SATB2: variants seen among roughly 807,000 people sequenced by gnomAD.
SATB2 encodes SATB homeobox 2, also known as DNA-binding protein SATB2.
In SATB2, 1 loss-of-function variant was observed where a neutral mutation model predicts 73.4. The observed-to-expected ratio is 0.01, with a 90% CI of 0.00 to 0.06. The LOEUF is 0.06. Among genes scored for constraint, SATB2 ranks in the 10% least tolerant of loss-of-function variants. The pLI, the probability that SATB2 is intolerant of heterozygous loss-of-function variation, is 1.00. For missense variants in SATB2, 459 were observed against 945.8 expected (o/e 0.49, Z 6.75); for synonymous variants, 397 against 367.0 (o/e 1.08, Z -0.93).
intron 3 of SATB2, among the ~76,000 whole-genome samples, chr2:199,389,979 T>A (rs2105879530): frequency 6.6e-6 from 1 of 152,244 alleles, no homozygotes; most frequent in African/African-American, 2.4e-5. Context: ...TTGTCTAATG[T>A]AATAGATGCT....
chr2:199,465,586 TA>T (rs1692578037), upstream of SATB2, among the ~76,000 whole-genome samples: 1 of 152,202 alleles, frequency 6.6e-6, no homozygotes, highest in Non-Finnish European at 1.5e-5. Flanking sequence ...AATTTAAAAA[TA>T]TAAAAGACCT....
chr2:199,441,916 T>C (rs1051928355), intron 2 of SATB2, among the ~76,000 whole-genome samples: 1 of 152,140 alleles, frequency 6.6e-6, no homozygotes, highest in Non-Finnish European at 1.5e-5. Flanking sequence ...GCAGCTTATC[T>C]AAACAAAAGA....
rs1574568704 is a variant in SATB2, at chr2:199,381,791, G to A, written c.376C>T (p.Leu126Phe). The change falls in exon 4 of 11, where the codon CTC becomes TTC. Residue 126 changes from leucine to phenylalanine, a missense_variant. Physicochemically the swap from Leu to Phe is conservative, Grantham distance 22 (BLOSUM62 0). This residue lies in a region of SATB2 where 56 missense variants were observed against 183.7 expected (regional missense o/e 0.30). Coordinates refer to ENST00000417098, the MANE Select transcript of SATB2 (RefSeq NM_001172509.2). ...GIIKLGRWNPLPLSYVTDAPD... is the reference protein window; with the variant it reads ...GIIKLGRWNPFPLSYVTDAPD... Reference sequence around the variant, plus strand: ...GCATCTGTCACATAACTGAGGGGGAGAGGGTTCCACCTTCCCAGCTTGATT... The same window carrying A: ...GCATCTGTCACATAACTGAGGGGGAAAGGGTTCCACCTTCCCAGCTTGATT... 6.2e-7 allele frequency: 1 copy of A among 1,613,946 alleles called. No homozygotes were observed. Among genetic ancestry groups the A allele is most frequent in the Non-Finnish European group, 8.5e-7 (1 of 1,179,858 alleles).
At chr2:199,417,129 T>C (rs953971224) in intron 3 of SATB2, among the ~76,000 whole-genome samples, 2 of 151,620 alleles carry the variant, frequency 1.3e-5, no homozygotes, top group African/African-American at 4.9e-5. Flanking sequence ...TGCTGTGCGC[T>C]TAAATCATAT....
At chr2:199,422,538 T>A (rs1299389650) in intron 3 of SATB2, among the ~76,000 whole-genome samples, 2 of 152,180 alleles carry the variant, frequency 1.3e-5, no homozygotes, top group East Asian at 3.8e-4. Context: ...TTTGAAAATG[T>A]CAACCTTCGG....
At chr2:199,389,998 T>C (rs1423093257) in intron 3 of SATB2, among the ~76,000 whole-genome samples, 2 of 152,100 alleles carry the variant, frequency 1.3e-5, no homozygotes, top group Non-Finnish European at 2.9e-5. Context: ...CTGCTTCACA[T>C]TTGGGAAATG....
chr2:199,428,195 C>A (rs1691392396), intron 3 of SATB2, among the ~76,000 whole-genome samples: 1 of 152,192 alleles, frequency 6.6e-6, no homozygotes, highest in Non-Finnish European at 1.5e-5. Flanking sequence ...GCTCAACCTA[C>A]TATAGGCCCT....
intron 2 of SATB2, among the ~76,000 whole-genome samples, chr2:199,441,987 T>C (rs1338403388): frequency 1.3e-5 from 2 of 152,190 alleles, no homozygotes; most frequent in African/African-American, 4.8e-5. Flanking sequence ...CTAAATTCTC[T>C]GATGTCAGGA....
At chr2:199,422,081 C>T (rs1343464265) in intron 3 of SATB2, among the ~76,000 whole-genome samples, 2 of 152,010 alleles carry the variant, frequency 1.3e-5, no homozygotes, top group Admixed American at 6.6e-5. Flanking sequence ...CAAAGCTTCA[C>T]GGTTACGTAG....
intron 9 of SATB2, among the ~76,000 whole-genome samples, chr2:199,323,474 C>CATATACAT (rs139535802): frequency 1.4e-5 from 2 of 138,594 alleles, no homozygotes; most frequent in South Asian, 5.1e-4. Context: ...AAGTTTTGTT[C>CATATACAT]ATACACACAC....
chr2:199,408,335 T>A (rs1168038666), intron 3 of SATB2, among the ~76,000 whole-genome samples: 1 of 152,180 alleles, frequency 6.6e-6, no homozygotes, highest in Non-Finnish European at 1.5e-5. Context: ...TGTATACACA[T>A]AATTTTTGAC....
intron 3 of SATB2, among the ~76,000 whole-genome samples, chr2:199,406,150 T>G (rs1191374200): frequency 6.6e-6 from 1 of 152,122 alleles, no homozygotes; most frequent in Non-Finnish European, 1.5e-5. Context: ...AAGATGGACT[T>G]GAGCATCCTT....
intron 3 of SATB2, among the ~76,000 whole-genome samples, chr2:199,409,171 T>C (rs1211303418): frequency 7.2e-6 from 1 of 139,190 alleles, no homozygotes; most frequent in East Asian, 2.0e-4. Context: ...TCTTTTCTTT[T>C]TTTTTTTTTT....
chr2:199,344,201 C>G (rs1410745560), intron 7 of SATB2, among the ~76,000 whole-genome samples: 3 of 152,058 alleles, frequency 2.0e-5, no homozygotes, highest in African/African-American at 7.2e-5. Flanking sequence ...TGTTGGCTAG[C>G]CATGAAATGC....
intron 3 of SATB2, among the ~76,000 whole-genome samples, chr2:199,423,208 T>TAAC (rs1691224525): frequency 6.6e-6 from 1 of 152,166 alleles, no homozygotes; most frequent in African/African-American, 2.4e-5. Flanking sequence ...TTGAGTTGCT[T>TAAC]ATTTTCCATC....
chr2:199,375,984 C>A (rs971763740), intron 5 of SATB2, among the ~76,000 whole-genome samples: 2 of 152,156 alleles, frequency 1.3e-5, no homozygotes, highest in African/African-American at 4.8e-5. Flanking sequence ...AAACTGCATG[C>A]ATCTGTTCTA....
intron 7 of SATB2, among the ~76,000 whole-genome samples, chr2:199,345,201 G>T (rs893616816): frequency 6.6e-6 from 1 of 151,808 alleles, no homozygotes; most frequent in Non-Finnish European, 1.5e-5. Context: ...CCTGTCCCAG[G>T]CTCTGTGACA....
intron 8 of SATB2, among the ~76,000 whole-genome samples, chr2:199,324,679 A>T (rs1246807843): frequency 6.6e-6 from 1 of 152,200 alleles, no homozygotes; most frequent in Non-Finnish European, 1.5e-5. Flanking sequence ...GACAATATAG[A>T]AGTCTGTACT....
At chr2:199,326,040 T>C (rs76050021) in intron 8 of SATB2, 176 of 152,252 alleles carry the variant, frequency 1.2e-3, no homozygotes, top group African/African-American at 4.0e-3. Context: ...TCTCCCTGCA[T>C]CAATGTCAAG....
Sources: allele counts gnomAD v4.1 joint callset (sites outside exome capture counted in the v4.1 genomes callset), GRCh38; gene constraint gnomAD v4.1.1; regional missense constraint gnomAD v4.1.1; transcripts MANE v1.5; gene names NCBI Gene and HGNC (gene_info 2026-07-23, HGNC 2026-07-21).